Variants in NR5A2 observed in about 807,000 individuals in gnomAD.
NR5A2 encodes the protein CYP7A promoter-binding factor.
NR5A2 carries 26 observed loss-of-function variants against 62.7 expected under a neutral mutation model. That is an observed-to-expected ratio of 0.41 (90% confidence interval 0.30 to 0.58). The LOEUF is 0.58. Among genes scored for constraint, NR5A2 ranks in the 20% least tolerant of loss-of-function variants. The pLI is 0.22. For synonymous variants in NR5A2, 246 were observed against 241.7 expected (o/e 1.02, Z -0.16); for missense variants, 541 against 669.1 (o/e 0.81, Z 2.11).
At chr1:200,085,802 A>G (rs1664497961) in intron 5 of NR5A2, among the ~76,000 whole-genome samples, 2 of 152,226 alleles carry the variant, frequency 1.3e-5, no homozygotes, top group South Asian at 2.1e-4. Context: ...ATATCTCAGC[A>G]TTTCCAAAAC....
intron 5 of NR5A2, among the ~76,000 whole-genome samples, chr1:200,052,864 T>A (rs548778662): frequency 2.3e-4 from 35 of 152,246 alleles, no homozygotes; most frequent in Admixed American, 5.2e-4. Context: ...ATGGTCTTGA[T>A]CTCCTGACCT....
At chr1:200,139,895 C>T (rs1002205243) in intron 7 of NR5A2, among the ~76,000 whole-genome samples, 1 of 151,310 alleles carries the variant, frequency 6.6e-6, no homozygotes, top group African/African-American at 2.4e-5. Flanking sequence ...GTGTGGTACA[C>T]AACACCAGTA....
At chr1:200,043,746 T>C (rs760909594) in intron 2 of NR5A2, 28 bp from the exon 3 acceptor site, 19 of 1,398,010 alleles carry the variant, frequency 1.4e-5, no homozygotes, top group Non-Finnish European at 2.0e-6. Context: ...TAATTGAATA[T>C]GTGTATACAT....
intron 7 of NR5A2, among the ~76,000 whole-genome samples, chr1:200,151,621 C>G (rs1443521651): frequency 6.6e-6 from 1 of 152,192 alleles, no homozygotes; most frequent in Non-Finnish European, 1.5e-5. Context: ...CATGGAAGCA[C>G]AGAGACCCTA....
At chr1:200,119,644 T>G (rs1029938421) in intron 6 of NR5A2, among the ~76,000 whole-genome samples, 1 of 152,168 alleles carries the variant, frequency 6.6e-6, no homozygotes, top group African/African-American at 2.4e-5. Context: ...CTTTTTTTTT[T>G]GAGACGGAGT....
chr1:200,148,926 T>C (rs77326614), intron 7 of NR5A2, among the ~76,000 whole-genome samples: 1 of 147,114 alleles, frequency 6.8e-6, no homozygotes, highest in East Asian at 2.1e-4. Context: ...TTTTTTTTTT[T>C]CCTTTGAAAC....
At chr1:200,138,957 T>C (rs564805160) in intron 7 of NR5A2, among the ~76,000 whole-genome samples, 14 of 152,318 alleles carry the variant, frequency 9.2e-5, no homozygotes, top group Non-Finnish European at 1.3e-4. Context: ...AGTGGGGTCT[T>C]GAGTAAAATT....
At chr1:200,158,602 G>A (rs1175739843) in intron 7 of NR5A2, among the ~76,000 whole-genome samples, 2 of 152,082 alleles carry the variant, frequency 1.3e-5, no homozygotes, top group Non-Finnish European at 2.9e-5. Context: ...AAACAGGAAG[G>A]CATTCTTTTT....
In NR5A2 at chr1:200,045,484, A is replaced by T. The variant is rs1314047804; in HGVS notation, c.363A>T (p.Thr121=). 26 of 1,612,796 alleles carry T rather than the reference A, an allele frequency of 1.6e-5. No individual in the cohort carries two copies. The highest frequency in any genetic ancestry group is 2.2e-5 in the Non-Finnish European group (26 of 1,179,196). The change falls in exon 4 of 8, where the codon ACA becomes ACT. Residue 121 remains threonine (T), a synonymous_variant. Transcript: ENST00000367362. ...CAGTCCAAAATAATAAAAGGTACAC[A>T]TGTATAGAAAACCAGAACTGCCAAA... ...KRTVQNNKRY[T]CIENQNCQID...
At chr1:200,143,326 T>C (rs1399150270) in intron 7 of NR5A2, among the ~76,000 whole-genome samples, 1 of 152,218 alleles carries the variant, frequency 6.6e-6, no homozygotes, top group Admixed American at 6.5e-5. Context: ...GGGCCCTGCT[T>C]TAACTCCCAG....
At chr1:200,135,851 G>C (rs1358988239) in intron 7 of NR5A2, among the ~76,000 whole-genome samples, 1 of 152,142 alleles carries the variant, frequency 6.6e-6, no homozygotes, top group Non-Finnish European at 1.5e-5. Context: ...AGAAATGAAG[G>C]CTGCTTATCG....
intron 5 of NR5A2, among the ~76,000 whole-genome samples, chr1:200,050,046 T>C (rs1299788208): frequency 1.3e-5 from 2 of 152,232 alleles, no homozygotes; most frequent in East Asian, 3.8e-4. Flanking sequence ...TATTTCCACG[T>C]CCTTTATTGC....
At chr1:200,156,284 C>CA (rs1653380545) in intron 7 of NR5A2, among the ~76,000 whole-genome samples, 1 of 152,242 alleles carries the variant, frequency 6.6e-6, no homozygotes, top group Non-Finnish European at 1.5e-5. Flanking sequence ...CATCCTCCCT[C>CA]AGGGGAGAGG....
chr1:200,048,113 C>T lies in NR5A2; in HGVS notation c.464-59C>T, dbSNP rs1273213962. 3.5e-6 allele frequency: 5 copies of T among 1,414,634 alleles called. No individual in the cohort carries two copies. In the East Asian group the frequency reaches 6.9e-5, roughly 19 times the overall value. 87.6% of individuals were successfully genotyped at this position (1,414,634 alleles called of 1,614,324 possible). A position where few individuals can be genotyped will look rare whatever the true frequency, so the allele number is the denominator to read the frequency against. On this transcript the variant is annotated intron_variant, in intron 4 of 7. Coordinates refer to ENST00000367362, the MANE Select transcript of NR5A2 (RefSeq NM_205860.3). The surrounding 1 kb of genome is among the most constrained non-coding windows in gnomAD (Gnocchi z 4.8). Reference sequence around the variant, plus strand: ...TACATTTCTAAATATCTGAAGAATGCTAATAATTTGCACCTTATTTATACC... The same window carrying T: ...TACATTTCTAAATATCTGAAGAATGTTAATAATTTGCACCTTATTTATACC...
Position 200,175,808 on chromosome 1 carries a change from A to T in NR5A2, c.*1598A>T, listed in dbSNP as rs1442843423. 6.6e-6 allele frequency: 1 copy of T among 152,600 alleles called. No homozygotes were observed. Among genetic ancestry groups the T allele is most frequent in the Non-Finnish European group, 1.5e-5 (1 of 68,024 alleles). The allele number at this position is 152,600 out of a possible 1,614,324, so 9.5% of individuals were successfully genotyped here. A position where few individuals can be genotyped will look rare whatever the true frequency, so the allele number is the denominator to read the frequency against. On this transcript the variant is annotated 3_prime_UTR_variant, in exon 8 of 8. Coordinates refer to ENST00000367362, the MANE Select transcript of NR5A2 (RefSeq NM_205860.3). ...TCTCATTTAGACTTTAATTTTTTTG[A>T]GATTATCGGCGGCACAATCACTTTG...
intron 7 of NR5A2, among the ~76,000 whole-genome samples, chr1:200,123,493 A>G (rs992098550): frequency 2.0e-5 from 3 of 152,184 alleles, no homozygotes; most frequent in African/African-American, 7.2e-5. Context: ...AGATGCATTC[A>G]ACACATACTC....
intron 4 of NR5A2, among the ~76,000 whole-genome samples, chr1:200,046,235 G>T (rs1019737694): frequency 1.3e-5 from 2 of 152,130 alleles, no homozygotes; most frequent in Non-Finnish European, 2.9e-5. Flanking sequence ...CAAGAAAGTG[G>T]CTCCTGAAAA....
rs1437112552 is a variant in NR5A2, at chr1:200,109,709, T to A, written c.1111-1493T>A. Among the ~76,000 whole-genome samples the A allele has an allele frequency of 2.0e-5, 3 of 152,210 alleles. 1 individual carries two copies. Among genetic ancestry groups the A allele is most frequent in the African/African-American group, 7.2e-5 (3 of 41,444 alleles). On this transcript the variant is annotated intron_variant, in intron 5 of 7. Coordinates refer to ENST00000367362, the MANE Select transcript of NR5A2 (RefSeq NM_205860.3). ...AAGTGAATTAAATGTATTTGTTTTA[T>A]AAAATTATAGAGCCTCTTGATATAA...
rs1314456961 is a variant in NR5A2 at position 200,176,989 on chromosome 1, T to C, written c.*2779T>C. The C allele has an allele frequency of 6.6e-6, 1 of 152,214 alleles. No homozygotes were observed. Among genetic ancestry groups the C allele is most frequent in the Non-Finnish European group, 1.5e-5 (1 of 68,046 alleles). The allele number at this position is 152,214 out of a possible 1,614,324, so 9.4% of individuals were successfully genotyped here. A position where few individuals can be genotyped will look rare whatever the true frequency, so the allele number is the denominator to read the frequency against. On this transcript the variant is annotated 3_prime_UTR_variant, in exon 8 of 8. Coordinates refer to ENST00000367362, the MANE Select transcript of NR5A2 (RefSeq NM_205860.3). ...TGCTGATCACACCAACGACAGGAGCTGATAAGCAAGAAAGCGTCACAGCCA... is the reference window on the plus strand; with the variant it reads ...TGCTGATCACACCAACGACAGGAGCCGATAAGCAAGAAAGCGTCACAGCCA...
Sources: allele counts gnomAD v4.1 joint callset (sites outside exome capture counted in the v4.1 genomes callset), GRCh38; gene constraint gnomAD v4.1.1; non-coding constraint Gnocchi (gnomAD v3.1); transcripts MANE v1.5; gene names NCBI Gene and HGNC (gene_info 2026-07-23, HGNC 2026-07-21).